Variants in TP53AIP1 observed in about 807,000 individuals in gnomAD.
TP53AIP1 encodes the protein p53-regulated apoptosis-inducing protein 1.
In TP53AIP1, 14 loss-of-function variants were observed where a neutral mutation model predicts 9.5. The observed-to-expected ratio is 1.47, with a 90% CI of 0.97 to 2.30. TP53AIP1 has a LOEUF of 2.30. TP53AIP1 is among the 30% of genes most tolerant of loss of function. TP53AIP1 has a pLI of 0.00. For synonymous variants in TP53AIP1, 73 were observed against 61.2 expected (o/e 1.19, Z -0.90); for missense variants, 153 against 146.7 (o/e 1.04, Z -0.22).
intron 3 of TP53AIP1, 145 bp downstream of exon 3, chr11:128,936,393 A>ATG (rs1944824297): frequency 1.2e-5 from 17 of 1,422,126 alleles, no homozygotes; most frequent in Non-Finnish European, 1.6e-5. Context: ...CTCTGCCATG[A>ATG]TGTCATTTTG....
rs1181430098 is a variant in TP53AIP1, at chr11:128,935,669, T to G, written c.297A>C (p.Thr99=). 6.3e-7 allele frequency: 1 copy of G among 1,587,370 alleles called. No individual in the cohort carries two copies. Among genetic ancestry groups the G allele is most frequent in the African/African-American group, 1.3e-5 (1 of 74,734 alleles). The change falls in exon 4 of 4, where the codon ACA becomes ACC. Residue 99 remains threonine, a synonymous_variant. Transcript: ENST00000531399. ...GLSRPFLPGA[T]VLRDRPLGSA... ...ACCCCAGTGGCCTGTCTCTAAGCAC[T>G]GTGGCTCCAGGAAGGAAAGGCCTGG...
intron 1 of TP53AIP1, among the ~76,000 whole-genome samples, chr11:128,942,416 C>T (rs1019097550): frequency 1.3e-5 from 2 of 152,324 alleles, no homozygotes; most frequent in African/African-American, 2.4e-5. Flanking sequence ...GCTCAGCGGT[C>T]GGCTAGCTGT....
chr11:128,937,475 ACTATTGATCAGGG>A lies in TP53AIP1; in HGVS notation c.141+190_141+202del. On this transcript the variant is annotated intron_variant, in intron 2 of 3. Coordinates refer to ENST00000531399, the MANE Select transcript of TP53AIP1 (RefSeq NM_022112.3). This position sits in a 1 kb window ranked among gnomAD's most constrained non-coding sequence, Gnocchi z 4.8. ...GAGGAGGGCTGGCCTTCCTCTTGGG[ACTATTGATCAGGG>A]CTGTCAGTTCCCAGCTCTGTCCAAT... is the stretch of plus-strand genomic sequence containing the variant. The A allele has an allele frequency of 6.5e-7, 1 of 1,544,480 alleles. No individual in the cohort carries two copies. The highest frequency in any genetic ancestry group is 8.8e-7 in the Non-Finnish European group (1 of 1,142,360).
chr11:128,935,808 A>C, intron 3 of TP53AIP1, 96 bp from the exon 4 acceptor site: 1 of 1,381,984 alleles, frequency 7.2e-7, no homozygotes, highest in South Asian at 2.0e-5. Flanking sequence ...AAAAACAACA[A>C]TAATGAATTT....
At chr11:128,936,909 C>T (rs1039481297) in intron 2 of TP53AIP1, 19 of 1,244,520 alleles carry the variant, frequency 1.5e-5, no homozygotes, top group Admixed American at 8.1e-5. Context: ...AGACATAAAC[C>T]GGCGCTTCCT....
At chr11:128,941,326 G>A (rs1462582262) in intron 1 of TP53AIP1, among the ~76,000 whole-genome samples, 2 of 152,134 alleles carry the variant, frequency 1.3e-5, no homozygotes, top group Non-Finnish European at 2.9e-5. Context: ...CTCTGAGACG[G>A]AACAGGAAGT....
At chr11:128,936,164 C>A (rs954850439) in intron 3 of TP53AIP1, 1 of 1,041,320 alleles carries the variant, frequency 9.6e-7, no homozygotes, top group South Asian at 3.7e-5. Context: ...ACCCAGACCC[C>A]GCAGCCTGGC....
chr11:128,935,728 G>C lies in TP53AIP1; in HGVS notation c.254-16C>G. ...AGACCAAGGCCTCAGTAGGGAGGGA[G>C]AGAATTTACTCTTTGCAAAACGTAT... On this transcript the variant is annotated splice_polypyrimidine_tract_variant and intron_variant, in intron 3 of 3. Transcript: ENST00000531399. The C allele has an allele frequency of 6.5e-7, 1 of 1,546,480 alleles. No individual in the cohort carries two copies. The highest frequency in any genetic ancestry group is 8.7e-7 in the Non-Finnish European group (1 of 1,154,330).
chr11:128,935,947 A>T (rs1243388067), intron 3 of TP53AIP1: 2 of 1,222,510 alleles, frequency 1.6e-6, no homozygotes, highest in Admixed American at 7.4e-5. Context: ...TAAACAAAAT[A>T]TGCTAATGAT....
At chr11:128,936,913 G>A (rs1012362843) in intron 2 of TP53AIP1, 56 of 1,234,576 alleles carry the variant, frequency 4.5e-5, no homozygotes, top group Admixed American at 2.4e-4. Flanking sequence ...ATAAACCGGC[G>A]CTTCCTCCCT....
At chr11:128,940,111 G>A (rs990762465) in intron 1 of TP53AIP1, among the ~76,000 whole-genome samples, 1 of 152,212 alleles carries the variant, frequency 6.6e-6, no homozygotes, top group East Asian at 1.9e-4. Context: ...CCAAGCATGA[G>A]AGGGAACCAA....
intron 1 of TP53AIP1, among the ~76,000 whole-genome samples, chr11:128,940,589 G>A (rs1425297791): frequency 6.6e-6 from 1 of 152,230 alleles, no homozygotes; most frequent in African/African-American, 2.4e-5. Flanking sequence ...TGAAAGCAGA[G>A]ACTGGAGCCA....
chr11:128,935,677 CAGGA>C lies in TP53AIP1; in HGVS notation c.285_288del (p.Pro96GlufsTer25), dbSNP rs1419448531. 1 of 1,585,710 alleles carries C rather than the reference CAGGA, an allele frequency of 6.3e-7. No homozygotes were observed. Among genetic ancestry groups the C allele is most frequent in the Non-Finnish European group, 8.5e-7 (1 of 1,173,762 alleles). On this transcript the variant is annotated frameshift_variant, in exon 4 of 4. Coordinates refer to ENST00000531399, the MANE Select transcript of TP53AIP1 (RefSeq NM_022112.3). LOFTEE classifies it low-confidence loss of function (END_TRUNC). The stretch of plus-strand genomic sequence containing the variant: ...GGCCTGTCTCTAAGCACTGTGGCTC[CAGGA>C]AGGAAAGGCCTGGAGAGACCTAGAC...
intron 3 of TP53AIP1, 84 bp downstream of exon 3, chr11:128,936,454 T>C: frequency 1.4e-6 from 2 of 1,450,804 alleles, no homozygotes; most frequent in South Asian, 2.9e-5. Flanking sequence ...CCTATGTCGT[T>C]ACCTGGATTT....
chr11:128,941,637 G>T (rs1012624063), intron 1 of TP53AIP1, among the ~76,000 whole-genome samples: 1 of 152,180 alleles, frequency 6.6e-6, no homozygotes, highest in East Asian at 1.9e-4. Flanking sequence ...TGCTTGCCCC[G>T]GCTGCTGGGG....
At position 128,937,154 on chromosome 11, in the gene TP53AIP1, C is replaced by A. The variant is rs1294601750; in HGVS notation, c.142-505G>T. On this transcript the variant is annotated intron_variant, in intron 2 of 3. Coordinates refer to ENST00000531399, the MANE Select transcript of TP53AIP1 (RefSeq NM_022112.3). This position sits in a 1 kb window ranked among gnomAD's most constrained non-coding sequence, Gnocchi z 4.8. The stretch of plus-strand genomic sequence containing the variant: ...TGCATCCTTACCCCCTCCTCAGAGC[C>A]CACAAGCTTCCGAGTGCGTCATCTT... 2.7e-6 allele frequency: 3 copies of A among 1,095,536 alleles called. No individual in the cohort carries two copies. Among genetic ancestry groups the A allele is most frequent in the Admixed American group, 4.7e-5 (1 of 21,222 alleles). 67.9% of individuals were successfully genotyped at this position (1,095,536 alleles called of 1,614,324 possible).
At position 128,935,584 on chromosome 11, in the gene TP53AIP1, T is replaced by C; in HGVS notation, c.*7A>G. 6.4e-7 allele frequency: 1 copy of C among 1,557,062 alleles called. No homozygotes were observed. Among genetic ancestry groups the C allele is most frequent in the Non-Finnish European group, 8.6e-7 (1 of 1,158,638 alleles). On this transcript the variant is annotated 3_prime_UTR_variant, in exon 4 of 4. Transcript: ENST00000531399. ...CCCAGGCTGGAGTGCAGTGGCGTGA[T>C]CTCGGCTCACTGCAACCTCAACGGT...
intron 1 of TP53AIP1, among the ~76,000 whole-genome samples, chr11:128,938,816 G>C (rs1227675671): frequency 1.3e-5 from 2 of 152,096 alleles, no homozygotes; most frequent in Non-Finnish European, 2.9e-5. Context: ...TCCACACAAA[G>C]GCACTGAGAA....
Position 128,937,721 on chromosome 11 carries a change from A to T in TP53AIP1, c.98T>A (p.Val33Glu). The T allele has an allele frequency of 6.2e-7, 1 of 1,614,104 alleles. No homozygotes were observed. The highest frequency in any genetic ancestry group is 8.5e-7 in the Non-Finnish European group (1 of 1,180,006). The change falls in exon 2 of 4, where the codon GTG becomes GAG. Residue 33 changes from valine to glutamate, a missense_variant. Physicochemically the swap from Val to Glu is moderately radical, Grantham distance 121. Transcript: ENST00000531399. The surrounding 1 kb of genome is among the most constrained non-coding windows in gnomAD (Gnocchi z 4.8). ...CTGAGCCCTGCCATTCGGAGGCATC[A>T]CCGAGAGGTTCTGGTCTCCCCTGCC... ...GLGRGDQNLS[V>E]MPPNGRAQTH...
Sources: allele counts gnomAD v4.1 joint callset (sites outside exome capture counted in the v4.1 genomes callset), GRCh38; gene constraint gnomAD v4.1.1; non-coding constraint Gnocchi (gnomAD v3.1); transcripts MANE v1.5; gene names NCBI Gene and HGNC (gene_info 2026-07-23, HGNC 2026-07-21).